Variants in DCAF17 observed in about 807,000 individuals in gnomAD.
DCAF17 encodes DDB1- and CUL4-associated factor 17.
Under a neutral mutation model 66.0 loss-of-function variants are expected in DCAF17, and 48 were observed. That is an observed-to-expected ratio of 0.73 (90% CI 0.58 to 0.92). The LOEUF is 0.92. Among genes scored for constraint, DCAF17 ranks in the 40% least tolerant of loss-of-function variants. DCAF17 has a pLI of 0.00. For synonymous variants in DCAF17, 206 were observed against 214.6 expected (o/e 0.96, Z 0.35); for missense variants, 562 against 622.8 (o/e 0.90, Z 1.04).
At chr2:171,464,748 TA>T (rs1695796863) in intron 8 of DCAF17, among the ~76,000 whole-genome samples, 1 of 152,180 alleles carries the variant, frequency 6.6e-6, no homozygotes, top group African/African-American at 2.4e-5. Flanking sequence ...AAAAATTCAT[TA>T]GCTCATTTTC....
chr2:171,448,324 T>C (rs1354471215), intron 3 of DCAF17, among the ~76,000 whole-genome samples: 1 of 152,134 alleles, frequency 6.6e-6, no homozygotes, highest in Admixed American at 6.5e-5. Flanking sequence ...CTATGCTATA[T>C]ACATGATTTT....
intron 6 of DCAF17, among the ~76,000 whole-genome samples, chr2:171,457,382 A>G (rs1001599808): frequency 2.0e-5 from 3 of 152,144 alleles, no homozygotes; most frequent in African/African-American, 4.8e-5. Context: ...TCATTTAAGT[A>G]GTTTGTTTTT....
intron 8 of DCAF17, among the ~76,000 whole-genome samples, chr2:171,463,240 A>C (rs1158385614): frequency 6.6e-6 from 1 of 151,524 alleles, no homozygotes; most frequent in Non-Finnish European, 1.5e-5. Context: ...AAAAAAAAAA[A>C]CAGAAAGAAG....
At chr2:171,465,921 G>A (rs1180543138) in intron 8 of DCAF17, among the ~76,000 whole-genome samples, 3 of 152,132 alleles carry the variant, frequency 2.0e-5, no homozygotes, top group African/African-American at 7.2e-5. Flanking sequence ...GCAAATTTAT[G>A]TTTGCATACT....
chr2:171,450,933 A>G (rs750300966), intron 5 of DCAF17, among the ~76,000 whole-genome samples: 2 of 152,124 alleles, frequency 1.3e-5, no homozygotes, highest in Non-Finnish European at 2.9e-5. Flanking sequence ...GCTCAAACTC[A>G]GGCAGTTTAG....
At chr2:171,463,209 G>T (rs943830984) in intron 8 of DCAF17, among the ~76,000 whole-genome samples, 2 of 148,176 alleles carry the variant, frequency 1.3e-5, no homozygotes, top group East Asian at 3.9e-4. Flanking sequence ...CAGCCTGGGC[G>T]ATGGAGCGAG....
chr2:171,471,433 C>T (rs1312649398), intron 9 of DCAF17, among the ~76,000 whole-genome samples: 1 of 152,050 alleles, frequency 6.6e-6, no homozygotes, highest in African/African-American at 2.4e-5. Flanking sequence ...TCTTTTTTTG[C>T]ATATTTTAAT....
chr2:171,434,403 T>C lies in DCAF17; in HGVS notation c.-175T>C. 1 of 1,143,776 alleles carries C rather than the reference T, an allele frequency of 8.7e-7. No homozygotes were observed. The highest frequency in any genetic ancestry group is 1.3e-6 in the Non-Finnish European group (1 of 794,734). 70.9% of individuals were successfully genotyped at this position (1,143,776 alleles called of 1,614,324 possible). A position where few individuals can be genotyped will look rare whatever the true frequency, so the allele number is the denominator to read the frequency against. On this transcript the variant is annotated 5_prime_UTR_variant, in exon 1 of 14. Transcript: ENST00000375255. ...GCTCTGGCGGTGCAAGCGGCTCTGC[T>C]TTCCCTCGCCCCGCCGTCGGGTGCT...
chr2:171,436,063 A>G (rs563570005), intron 2 of DCAF17, among the ~76,000 whole-genome samples: 2 of 152,334 alleles, frequency 1.3e-5, no homozygotes, highest in East Asian at 3.9e-4. Flanking sequence ...TGTACTTTTC[A>G]TATAAATGGA....
intron 3 of DCAF17, among the ~76,000 whole-genome samples, chr2:171,444,203 A>G (rs1694482939): frequency 6.6e-6 from 1 of 152,114 alleles, no homozygotes; most frequent in South Asian, 2.1e-4. Context: ...TACTTCTCAG[A>G]GCCTTTACTA....
rs1326833852 is a variant in DCAF17, at chr2:171,482,855, A to G, written c.*1741A>G. 2.2e-6 allele frequency: 1 copy of G among 454,086 alleles called. No homozygotes were observed. Among genetic ancestry groups the G allele is most frequent in the South Asian group, 1.6e-5 (1 of 64,470 alleles). The allele number at this position is 454,086 out of a possible 1,614,324, so 28.1% of individuals were successfully genotyped here. A position where few individuals can be genotyped will look rare whatever the true frequency, so the allele number is the denominator to read the frequency against. ...GTCTAGATATAACTTACCACTAAGAAACCCCCAGTATGTCACCACTGCCTA... is the reference window on the plus strand; with the variant it reads ...GTCTAGATATAACTTACCACTAAGAGACCCCCAGTATGTCACCACTGCCTA... On this transcript the variant is annotated 3_prime_UTR_variant, in exon 14 of 14. Coordinates refer to ENST00000375255, the MANE Select transcript of DCAF17 (RefSeq NM_025000.4).
rs1220119469 is a variant in DCAF17, at chr2:171,483,167, T to C, written c.*2053T>C. On this transcript the variant is annotated 3_prime_UTR_variant, in exon 14 of 14. Transcript: ENST00000375255. ...CATAGCGAGAGACAATGAAGCATGC[T>C]TCCCAGCTCGCCAGAGTGTCACACA... is the stretch of plus-strand genomic sequence containing the variant. 3 of 453,986 alleles carry C rather than the reference T, an allele frequency of 6.6e-6. No individual in the cohort carries two copies. The highest frequency in any genetic ancestry group is 6.0e-5 in the African/African-American group (3 of 49,992). 28.1% of individuals were successfully genotyped at this position (453,986 alleles called of 1,614,324 possible).
chr2:171,467,171 C>T (rs954525102), intron 8 of DCAF17, among the ~76,000 whole-genome samples: 6 of 151,766 alleles, frequency 4.0e-5, no homozygotes, highest in Admixed American at 6.6e-5. Flanking sequence ...CACTTATACA[C>T]AGATTTTTTT....
intron 3 of DCAF17, among the ~76,000 whole-genome samples, chr2:171,444,214 A>C (rs756551332): frequency 5.9e-5 from 9 of 152,192 alleles, no homozygotes; most frequent in East Asian, 1.9e-4. Context: ...GCCTTTACTA[A>C]TAATAATAAT....
intron 10 of DCAF17, among the ~76,000 whole-genome samples, chr2:171,475,340 C>T (rs904006092): frequency 2.6e-5 from 4 of 152,148 alleles, no homozygotes; most frequent in Non-Finnish European, 5.9e-5. Context: ...TTTTTGTGAT[C>T]TTCTGCTTAA....
Position 171,434,446 on chromosome 2 carries a change from T to A in DCAF17, c.-132T>A. ...CGGGTGCTCCCTGCCCGCCTCCCCG[T>A]GTCAGCTTTCCCTGGGCCCCGCCGG... On this transcript the variant is annotated 5_prime_UTR_variant, in exon 1 of 14. Transcript: ENST00000375255. 1 of 1,460,186 alleles carries A rather than the reference T, an allele frequency of 6.8e-7. No individual in the cohort carries two copies. Among genetic ancestry groups the A allele is most frequent in the South Asian group, 1.2e-5 (1 of 81,864 alleles). 90.5% of individuals were successfully genotyped at this position (1,460,186 alleles called of 1,614,324 possible).
chr2:171,477,270 CT>C (rs1263309331), intron 11 of DCAF17, among the ~76,000 whole-genome samples: 1 of 152,134 alleles, frequency 6.6e-6, no homozygotes, highest in African/African-American at 2.4e-5. Context: ...ATATATAAGT[CT>C]TTAAAAATCA....
chr2:171,472,082 C>G (rs1204035964), intron 9 of DCAF17, among the ~76,000 whole-genome samples: 1 of 152,164 alleles, frequency 6.6e-6, no homozygotes, highest in African/African-American at 2.4e-5. Flanking sequence ...GCCTACCTCT[C>G]CAGTATCATG....
rs561245876 is a variant in DCAF17, at chr2:171,483,272, G to A, written c.*2158G>A. Reference sequence around the variant, plus strand: ...CCCTCTTTACCTGATATTTTAATTCGAGACTCTAGCTACATGCCCACCTAC... The same window carrying A: ...CCCTCTTTACCTGATATTTTAATTCAAGACTCTAGCTACATGCCCACCTAC... On this transcript the variant is annotated 3_prime_UTR_variant, in exon 14 of 14. Transcript: ENST00000375255. 41 of 453,980 alleles carry A rather than the reference G, an allele frequency of 9.0e-5. No homozygotes were observed. Among genetic ancestry groups the A allele is most frequent in the Non-Finnish European group, 1.5e-4 (35 of 226,778 alleles). 28.1% of individuals were successfully genotyped at this position (453,980 alleles called of 1,614,324 possible). A position where few individuals can be genotyped will look rare whatever the true frequency, so the allele number is the denominator to read the frequency against.
Sources: gnomAD v4.1 joint callset for allele counts (sites outside exome capture counted in the v4.1 genomes callset) on GRCh38, gnomAD v4.1.1 for gene constraint, MANE v1.5 for transcripts, NCBI Gene and HGNC (gene_info 2026-07-23, HGNC 2026-07-21) for gene names.